CIMIP5: variants seen among roughly 807,000 people sequenced by gnomAD.
CIMIP5 encodes ciliary microtubule inner protein 5.
chr2:11,137,001 T>C, the CIMIP5 span, among the ~76,000 whole-genome samples: 1 of 152,230 alleles, frequency 6.6e-6, no homozygotes, highest in African/African-American at 2.4e-5. Context: ...AAGAGGAATG[T>C]GCAAGGCAGT....
the CIMIP5 span, among the ~76,000 whole-genome samples, chr2:11,142,704 A>G: frequency 6.9e-6 from 1 of 144,098 alleles, no homozygotes; most frequent in Non-Finnish European, 1.5e-5. Flanking sequence ...ATGTTTTCCC[A>G]CTTGTCAGAT....
chr2:11,144,803 T>G, the CIMIP5 span: 3 of 128,594 alleles, frequency 2.3e-5, no homozygotes, highest in Non-Finnish European at 4.6e-5. Context: ...CATCTTTTCT[T>G]TCTTTCTCTC....
chr2:11,141,809 AC>A, the CIMIP5 span, among the ~76,000 whole-genome samples: 2 of 152,122 alleles, frequency 1.3e-5, no homozygotes, highest in South Asian at 4.1e-4. Flanking sequence ...CCCTGTCTCT[AC>A]AAAAATAACA....
the CIMIP5 span, among the ~76,000 whole-genome samples, chr2:11,137,649 C>G: frequency 9.0e-3 from 1,366 of 152,152 alleles, 23 homozygotes; most frequent in African/African-American, 0.031. Flanking sequence ...ATGCATGAGT[C>G]CACAGATATT....
the CIMIP5 span, among the ~76,000 whole-genome samples, chr2:11,148,181 G>A: frequency 2.0e-5 from 3 of 151,144 alleles, no homozygotes; most frequent in Non-Finnish European, 4.4e-5. Flanking sequence ...GCAATGGTAC[G>A]ATCTCAGCTC....
the CIMIP5 span, among the ~76,000 whole-genome samples, chr2:11,136,499 G>A: frequency 1.3e-5 from 2 of 152,290 alleles, no homozygotes; most frequent in South Asian, 2.1e-4. Context: ...CCTGAACCAC[G>A]TCTAGATGGA....
At chr2:11,140,431 A>G in the CIMIP5 span, 2 of 987,438 alleles carry the variant, frequency 2.0e-6, no homozygotes, top group Non-Finnish European at 3.0e-6. Flanking sequence ...ACATTGTTGC[A>G]TTGACTTGAC....
chr2:11,140,493 A>G, the CIMIP5 span: 5 of 1,542,312 alleles, frequency 3.2e-6, no homozygotes, highest in East Asian at 1.1e-4. Flanking sequence ...CACAGCCAAC[A>G]TGTTTTTCCT....
At chr2:11,150,040 G>A in the CIMIP5 span, among the ~76,000 whole-genome samples, 9 of 152,168 alleles carry the variant, frequency 5.9e-5, no homozygotes, top group African/African-American at 1.4e-4. Context: ...TCCACCTCCC[G>A]GGTTCAAGCG....
the CIMIP5 span, among the ~76,000 whole-genome samples, chr2:11,136,654 G>A: frequency 4.6e-5 from 7 of 152,268 alleles, no homozygotes; most frequent in South Asian, 1.5e-3. Context: ...GTGTTTTGGG[G>A]GTGATGAAAT....
At chr2:11,140,599 C>T in the CIMIP5 span, 1 of 1,368,306 alleles carries the variant, frequency 7.3e-7, no homozygotes, top group South Asian at 1.4e-5. Flanking sequence ...GAATATTACT[C>T]ATTCTTTCCA....
At chr2:11,134,478 G>A in the CIMIP5 span, among the ~76,000 whole-genome samples, 2 of 152,244 alleles carry the variant, frequency 1.3e-5, no homozygotes, top group South Asian at 4.1e-4. Context: ...GATTAGCAAC[G>A]CCCCATTCCC....
At chr2:11,135,241 G>A in the CIMIP5 span, among the ~76,000 whole-genome samples, 2 of 152,070 alleles carry the variant, frequency 1.3e-5, no homozygotes, top group Non-Finnish European at 1.5e-5. Context: ...AGGATTATAC[G>A]GTACCTCTAT....
chr2:11,153,149 C>T, the CIMIP5 span, among the ~76,000 whole-genome samples: 1 of 152,232 alleles, frequency 6.6e-6, no homozygotes, highest in Admixed American at 6.5e-5. Flanking sequence ...ACACCCACAT[C>T]ACTGCATCCT....
the CIMIP5 span, among the ~76,000 whole-genome samples, chr2:11,133,966 A>G: frequency 6.6e-6 from 1 of 152,064 alleles, no homozygotes; most frequent in Non-Finnish European, 1.5e-5. Context: ...AAAAATACCC[A>G]TGAGCCGCTC....
chr2:11,136,415 A>AG, the CIMIP5 span, among the ~76,000 whole-genome samples: 1 of 152,252 alleles, frequency 6.6e-6, no homozygotes, highest in East Asian at 1.9e-4. Context: ...AAAGGATGAC[A>AG]GGTCTCAGCT....
the CIMIP5 span, among the ~76,000 whole-genome samples, chr2:11,147,733 A>T: frequency 6.6e-6 from 1 of 152,224 alleles, no homozygotes; most frequent in Non-Finnish European, 1.5e-5. Context: ...ATGACCTGTC[A>T]TCACGCCAAA....
the CIMIP5 span, among the ~76,000 whole-genome samples, chr2:11,148,585 C>T: frequency 6.6e-6 from 1 of 151,882 alleles, no homozygotes; most frequent in Non-Finnish European, 1.5e-5. Context: ...AAATGAAGAA[C>T]AGTAATAGGC....
chr2:11,154,137 C>G, the CIMIP5 span, among the ~76,000 whole-genome samples: 1 of 151,948 alleles, frequency 6.6e-6, no homozygotes, highest in Non-Finnish European at 1.5e-5. Context: ...CCACCACGCT[C>G]GGCTAATTTT....
Sources: gnomAD v4.1 joint callset for allele counts (sites outside exome capture counted in the v4.1 genomes callset) on GRCh38, gnomAD v4.1.1 for gene constraint, MANE v1.5 for transcripts, NCBI Gene and HGNC (gene_info 2026-07-23, HGNC 2026-07-21) for gene names.